Variants in SLC39A12 observed in about 807,000 individuals in gnomAD.
The protein encoded by SLC39A12 is solute carrier family 39 member 12.
SLC39A12 carries 63 observed loss-of-function variants against 71.1 expected under a neutral mutation model. That is an observed-to-expected ratio of 0.89 (90% CI 0.72 to 1.09). The LOEUF is 1.09. Among genes scored for constraint, SLC39A12 ranks in the 50% least tolerant of loss-of-function variants. SLC39A12 has a pLI of 0.00. For synonymous variants in SLC39A12, 351 were observed against 301.3 expected (o/e 1.16, Z -1.71); for missense variants, 892 against 812.6 (o/e 1.10, Z -1.19).
intron 7 of SLC39A12, among the ~76,000 whole-genome samples, chr10:17,989,401 G>A (rs751497486): frequency 5.9e-5 from 9 of 152,232 alleles, no homozygotes; most frequent in Non-Finnish European, 1.0e-4. Flanking sequence ...AGTAGAGGCG[G>A]CGGCCCAGGC....
chr10:17,984,561 G>A (rs1835353700), intron 6 of SLC39A12, among the ~76,000 whole-genome samples: 1 of 152,198 alleles, frequency 6.6e-6, no homozygotes, highest in South Asian at 2.1e-4. Context: ...TGAAAAGAAT[G>A]GCATTCCCAT....
chr10:18,024,916 A>C (rs879364246), intron 12 of SLC39A12, among the ~76,000 whole-genome samples: 12 of 152,172 alleles, frequency 7.9e-5, no homozygotes, highest in Admixed American at 7.2e-4. Flanking sequence ...GAAATTTAAG[A>C]TCGCTACGAC....
intron 9 of SLC39A12, among the ~76,000 whole-genome samples, chr10:17,994,534 T>C (rs1005180562): frequency 1.3e-5 from 2 of 152,190 alleles, no homozygotes; most frequent in African/African-American, 2.4e-5. Flanking sequence ...CAAAACATTC[T>C]AGAATAAATA....
At chr10:18,035,595 G>A (rs137875402) in intron 12 of SLC39A12, among the ~76,000 whole-genome samples, 4,185 of 152,100 alleles carry the variant, frequency 0.028, 211 homozygotes, top group African/African-American at 0.096. Flanking sequence ...TGCTTTGAAT[G>A]TCCTCCCATA....
chr10:18,042,601 AG>A (rs1156982924), intron 12 of SLC39A12, 103 bp from the exon 13 acceptor site: 2 of 1,128,080 alleles, frequency 1.8e-6, no homozygotes, highest in Non-Finnish European at 2.4e-6. Flanking sequence ...GGAATTTTAA[AG>A]GTTATTAAGT....
chr10:18,012,744 G>A (rs923695947), intron 12 of SLC39A12, among the ~76,000 whole-genome samples: 24 of 151,846 alleles, frequency 1.6e-4, no homozygotes, highest in Non-Finnish European at 8.8e-5. Flanking sequence ...GCGCACACCT[G>A]TAGTCCAGCT....
intron 3 of SLC39A12, 122 bp downstream of exon 3, chr10:17,961,984 T>C: frequency 9.7e-7 from 1 of 1,034,342 alleles, no homozygotes; most frequent in Non-Finnish European, 1.4e-6. Flanking sequence ...TATTTGTGGG[T>C]TTTGGTTATG....
chr10:17,986,488 A>C (rs1430080749), intron 6 of SLC39A12, among the ~76,000 whole-genome samples: 1 of 152,172 alleles, frequency 6.6e-6, no homozygotes, highest in Non-Finnish European at 1.5e-5. Context: ...GGACTGGTGA[A>C]GGGAAGAACT....
At chr10:18,042,463 GAAAAA>G (rs551298382) in intron 12 of SLC39A12, among the ~76,000 whole-genome samples, 1 of 115,058 alleles carries the variant, frequency 8.7e-6, no homozygotes, top group African/African-American at 3.3e-5. Flanking sequence ...TGCCTCAAAA[GAAAAA>G]AAAAAAAAAA....
chr10:17,953,304 T>A lies in SLC39A12; in HGVS notation c.28T>A (p.Ser10Thr). 6.2e-7 allele frequency: 1 copy of A among 1,614,170 alleles called. No individual in the cohort carries two copies. Among genetic ancestry groups the A allele is most frequent in the Non-Finnish European group, 8.5e-7 (1 of 1,180,032 alleles). Residue 10 changes from serine (S) to threonine (T), a missense_variant, in exon 2 of 13, where the codon TCC becomes ACC. Transcript: ENST00000377369. ...GTGCTTCCGGACAAAGCTCTCAGTA[T>A]CCTGGGTGCCATTGTTTCTTCTACT... MCFRTKLSV[S>T]WVPLFLLLSR...
intron 6 of SLC39A12, 115 bp downstream of exon 6, chr10:17,981,598 A>G (rs1835261870): frequency 1.3e-6 from 1 of 799,206 alleles, no homozygotes; most frequent in African/African-American, 1.7e-5. Flanking sequence ...TACATTTATC[A>G]GCTCATTTAA....
At chr10:18,004,381 A>T (rs1835946313) in intron 12 of SLC39A12, 1 of 152,218 alleles carries the variant, frequency 6.6e-6, no homozygotes, top group Admixed American at 6.5e-5. Flanking sequence ...GAGATTGACT[A>T]CTAATGAAGC....
intron 12 of SLC39A12, among the ~76,000 whole-genome samples, chr10:18,019,698 G>A (rs540679283): frequency 1.3e-5 from 2 of 151,860 alleles, no homozygotes; most frequent in Non-Finnish European, 2.9e-5. Context: ...TTAATCTCCA[G>A]TTCTTTTGGT....
intron 12 of SLC39A12, among the ~76,000 whole-genome samples, chr10:18,029,711 T>C (rs560037527): frequency 6.6e-6 from 1 of 152,112 alleles, no homozygotes; most frequent in Non-Finnish European, 1.5e-5. Flanking sequence ...TAACAGGACT[T>C]AACTGCCCTG....
intron 12 of SLC39A12, chr10:18,010,543 G>C (rs1486402739): frequency 1.2e-4 from 19 of 152,128 alleles, no homozygotes; most frequent in Admixed American, 1.2e-3. Context: ...AAATTTGAAA[G>C]ACTTCTATTC....
intron 7 of SLC39A12, among the ~76,000 whole-genome samples, chr10:17,990,641 A>G (rs1379339229): frequency 2.0e-5 from 3 of 152,168 alleles, no homozygotes; most frequent in Non-Finnish European, 4.4e-5. Context: ...TCAGTCATAC[A>G]GTATGCTCCC....
At chr10:18,042,583 C>A in intron 12 of SLC39A12, 122 bp from the exon 13 acceptor site, 3 of 873,138 alleles carry the variant, frequency 3.4e-6, no homozygotes, top group Non-Finnish European at 3.2e-6. Context: ...CATTTTGTAA[C>A]TGTTTTGGGA....
rs1291552795 is a variant in SLC39A12 at position 18,041,588 on chromosome 10, AC to A, written c.1948-1115del. Among the ~76,000 whole-genome samples, 25 of 126,556 alleles carry A rather than the reference AC, an allele frequency of 2.0e-4. 1 individual carries two copies. Among genetic ancestry groups the A allele is most frequent in the African/African-American group, 7.4e-4 (22 of 29,574 alleles). The allele number at this position is 126,556 out of a possible 152,430, so 83.0% of individuals were successfully genotyped here. A position where few individuals can be genotyped will look rare whatever the true frequency, so the allele number is the denominator to read the frequency against. ...CATACACACACACATACATACACAC[AC>A]CATATATATGTGTATATATATGTAT... On this transcript the variant is annotated intron_variant, in intron 12 of 12. Coordinates refer to ENST00000377369, the MANE Select transcript of SLC39A12 (RefSeq NM_001145195.2).
intron 5 of SLC39A12, among the ~76,000 whole-genome samples, chr10:17,978,666 T>C (rs1479516069): frequency 6.6e-6 from 1 of 152,194 alleles, no homozygotes; most frequent in African/African-American, 2.4e-5. Flanking sequence ...TCTTAACATT[T>C]AGGGGTTACT....
Sources: gnomAD v4.1 joint callset for allele counts (sites outside exome capture counted in the v4.1 genomes callset) on GRCh38, gnomAD v4.1.1 for gene constraint, MANE v1.5 for transcripts, NCBI Gene and HGNC (gene_info 2026-07-23, HGNC 2026-07-21) for gene names.